ADCY10: variants seen among roughly 807,000 people sequenced by gnomAD.
ADCY10 encodes the protein adenylate cyclase 10, also known as adenylate cyclase type 10.
Under a neutral mutation model 183.3 loss-of-function variants are expected in ADCY10, and 156 were observed. The ratio of observed to expected loss-of-function variants is 0.85; its 90% CI spans 0.75 to 0.97. The LOEUF (loss-of-function observed/expected upper bound fraction) is 0.97. Among genes scored for constraint, ADCY10 ranks in the 50% least tolerant of loss-of-function variants. The pLI, the probability that ADCY10 is intolerant of heterozygous loss-of-function variation, is 0.00. For synonymous variants in ADCY10, 645 were observed against 670.0 expected, an observed-to-expected ratio of 0.96 and a Z score of 0.58; for missense variants, 1,745 against 1,934.3, an observed-to-expected ratio of 0.90 and a Z score of 1.84.
chr1:167,831,197 C>G (rs1373952632), intron 25 of ADCY10, among the ~76,000 whole-genome samples: 1 of 149,696 alleles, frequency 6.7e-6, no homozygotes, highest in African/African-American at 2.4e-5. Flanking sequence ...ATCTCTCTCT[C>G]TTTTTTTTTT....
chr1:167,852,502 A>C (rs1206697487), intron 18 of ADCY10, among the ~76,000 whole-genome samples: 1 of 152,206 alleles, frequency 6.6e-6, no homozygotes, highest in East Asian at 1.9e-4. Context: ...TAAACAAAGT[A>C]AACAAATGTA....
chr1:167,837,346 G>A lies in ADCY10; in HGVS notation c.3008-28C>T, dbSNP rs372697713. On this transcript the variant is annotated intron_variant, in intron 21 of 32. Coordinates refer to ENST00000367851, the MANE Select transcript of ADCY10 (RefSeq NM_018417.6). ...AGAAAATAAACAAATGAGTTGTATG[G>A]GTCATTGAAATGTTCTCTGCAGTGG... is the stretch of plus-strand genomic sequence containing the variant. The A allele has an allele frequency of 3.7e-5, 59 of 1,573,824 alleles. 1 individual carries two copies. Among genetic ancestry groups the A allele is most frequent in the African/African-American group, 3.2e-4 (24 of 74,238 alleles).
rs1187262782 is a variant in ADCY10, at chr1:167,902,505, T to A, written c.254-451A>T. On this transcript the variant is annotated intron_variant, in intron 3 of 32. Transcript: ENST00000367851. The stretch of plus-strand genomic sequence containing the variant: ...AACCATAGTCACTTGCATTTTTGGT[T>A]ATTACCAACTTTGTATTTTGTTTAT... Among the ~76,000 whole-genome samples the A allele has an allele frequency of 2.0e-5, 3 of 152,258 alleles. No homozygotes were observed. The East Asian group carries it at 5.8e-4, about 29-fold the overall frequency.
chr1:167,860,794 A>G, intron 15 of ADCY10, 77 bp downstream of exon 15: 1 of 1,234,792 alleles, frequency 8.1e-7, no homozygotes, highest in Non-Finnish European at 1.2e-6. Context: ...AAGAGATGCT[A>G]AGTCACAATG....
chr1:167,901,864 A>G lies in ADCY10; in HGVS notation c.293-59T>C, dbSNP rs748399732. On this transcript the variant is annotated intron_variant, in intron 4 of 32. Transcript: ENST00000367851. ...TGCCCTGGGGATCAATCTATTTTGT[A>G]TGAGATCTGTATAGAAACTTACTCA... 1.4e-5 allele frequency: 23 copies of G among 1,613,496 alleles called. 1 individual carries two copies. In the Admixed American group the frequency reaches 3.0e-4, roughly 21 times the overall value.
intron 9 of ADCY10, 63 bp downstream of exon 9, chr1:167,883,374 T>TA (rs768014876): frequency 5.4e-5 from 85 of 1,559,908 alleles, no homozygotes; most frequent in Non-Finnish European, 7.3e-5. Flanking sequence ...CTCACCAATG[T>TA]GCTTGTCCAT....
chr1:167,833,840 C>G, intron 24 of ADCY10, 130 bp downstream of exon 24: 2 of 711,386 alleles, frequency 2.8e-6, no homozygotes, highest in Non-Finnish European at 2.4e-6. Flanking sequence ...ATTTGAGTTT[C>G]TAGAGTCTTG....
In ADCY10 at chr1:167,818,150, C is replaced by T; in HGVS notation, c.4404G>A (p.Glu1468=). 3 of 1,614,204 alleles carry T rather than the reference C, an allele frequency of 1.9e-6. No individual in the cohort carries two copies. Among genetic ancestry groups the T allele is most frequent in the African/African-American group, 1.3e-5 (1 of 75,048 alleles). The change falls in exon 31 of 33, where the codon GAG becomes GAA. Residue 1468 remains glutamate, a synonymous_variant. Coordinates refer to ENST00000367851, the MANE Select transcript of ADCY10 (RefSeq NM_018417.6). ...TYYDGISRYM[E]GQVLHLQKQI... is the part of the protein sequence containing the mutation. ...GTTTTTGAAGGTGAAGAACTTGCCC[C>T]TCCATGTACCTAGATATTCCGTCAT...
chr1:167,855,021 C>A (rs1300896308), intron 17 of ADCY10, among the ~76,000 whole-genome samples: 1 of 152,122 alleles, frequency 6.6e-6, no homozygotes, highest in Non-Finnish European at 1.5e-5. Context: ...AAGGTGACTG[C>A]TGTCAGGACG....
chr1:167,868,341 G>C (rs1277869547), intron 14 of ADCY10, among the ~76,000 whole-genome samples: 2 of 152,066 alleles, frequency 1.3e-5, no homozygotes, highest in African/African-American at 4.8e-5. Context: ...ATCATTTCTA[G>C]GTTCTAAAAG....
chr1:167,855,293 C>A (rs977338446), intron 17 of ADCY10, among the ~76,000 whole-genome samples: 12 of 152,112 alleles, frequency 7.9e-5, no homozygotes, highest in Non-Finnish European at 1.5e-4. Flanking sequence ...GCACTCCAGC[C>A]TGGGCAATGA....
intron 19 of ADCY10, 22 bp downstream of exon 19, chr1:167,848,339 G>A (rs761251440): frequency 3.7e-6 from 6 of 1,607,504 alleles, no homozygotes; most frequent in Non-Finnish European, 5.1e-6. Flanking sequence ...GTGAGCCACT[G>A]CGCCCGGCCA....
At chr1:167,869,023 C>A (rs745915417) in intron 14 of ADCY10, among the ~76,000 whole-genome samples, 51 of 152,156 alleles carry the variant, frequency 3.4e-4, no homozygotes, top group Admixed American at 1.2e-3. Context: ...AAAAATTTAA[C>A]CTTACTAATT....
rs1350533093 is a variant in ADCY10 at position 167,845,834 on chromosome 1, C to T, written c.2736G>A (p.Gln912=). The T allele has an allele frequency of 1.2e-6, 2 of 1,614,122 alleles. No homozygotes were observed. The highest frequency in any genetic ancestry group is 3.3e-5 in the Admixed American group (2 of 60,022). ...TCACCTCATTCTCCAGTTCACGAAGCTGTTCCTCTTCACCGTGATCTGGAG... is the reference window on the plus strand; with the variant it reads ...TCACCTCATTCTCCAGTTCACGAAGTTGTTCCTCTTCACCGTGATCTGGAG... The part of the protein sequence containing the change: ...SEGMDHGEEE[Q]LRELENEVIE... The change falls in exon 21 of 33, where the codon CAG becomes CAA. Residue 912 remains glutamine (Q), a synonymous_variant. Coordinates refer to ENST00000367851, the MANE Select transcript of ADCY10 (RefSeq NM_018417.6).
At chr1:167,816,433 C>A (rs2101838056) in intron 31 of ADCY10, among the ~76,000 whole-genome samples, 1 of 152,124 alleles carries the variant, frequency 6.6e-6, no homozygotes, top group East Asian at 1.9e-4. Context: ...GTAATCCCAG[C>A]TACTCAGGAG....
At chr1:167,854,969 C>G (rs1398842710) in intron 17 of ADCY10, among the ~76,000 whole-genome samples, 1 of 152,166 alleles carries the variant, frequency 6.6e-6, no homozygotes, top group Non-Finnish European at 1.5e-5. Context: ...CTAAGATGGG[C>G]TGTAAACAGC....
intron 30 of ADCY10, chr1:167,820,485 C>T (rs995957923): frequency 7.5e-6 from 3 of 397,438 alleles, no homozygotes; most frequent in Non-Finnish European, 1.3e-5. Flanking sequence ...TTAAAAAATT[C>T]TCCTGCTGAG....
At chr1:167,897,465 C>G (rs1319696278) in intron 6 of ADCY10, among the ~76,000 whole-genome samples, 1 of 149,940 alleles carries the variant, frequency 6.7e-6, no homozygotes, top group African/African-American at 2.5e-5. Context: ...CCACCTCACT[C>G]CCCACTGGGT....
intron 8 of ADCY10, among the ~76,000 whole-genome samples, chr1:167,889,786 T>C (rs1337790586): frequency 6.6e-6 from 1 of 152,246 alleles, no homozygotes; most frequent in Non-Finnish European, 1.5e-5. Flanking sequence ...TATAGGAGTT[T>C]ATACATTTCT....
Sources: allele counts gnomAD v4.1 joint callset (sites outside exome capture counted in the v4.1 genomes callset), GRCh38; gene constraint gnomAD v4.1.1; transcripts MANE v1.5; gene names NCBI Gene and HGNC (gene_info 2026-07-23, HGNC 2026-07-21).